The following POLR3A variants were observed in gnomAD, a reference collection of about 807,000 sequenced individuals.
POLR3A encodes DNA-directed RNA polymerase III subunit RPC1.
A neutral mutation model predicts 152.8 loss-of-function variants in POLR3A; 112 were observed. That is an observed-to-expected ratio of 0.73 (90% CI 0.63 to 0.86). POLR3A has a LOEUF of 0.86. Ranked by LOEUF, POLR3A falls within the 40% of genes least tolerant of loss-of-function variation. POLR3A has a pLI of 0.00. For synonymous variants in POLR3A, 615 were observed against 652.1 expected, an observed-to-expected ratio of 0.94 and a Z score of 0.87; for missense variants, 1,385 against 1,743.1, an observed-to-expected ratio of 0.79 and a Z score of 3.66.
intron 8 of POLR3A, chr10:78,019,885 A>G (rs888028864): frequency 6.6e-6 from 1 of 152,666 alleles, no homozygotes; most frequent in Admixed American, 6.5e-5. Context: ...AAAAAAAAAA[A>G]AGTATGGGCT....
intron 13 of POLR3A, 86 bp from the exon 14 acceptor site, chr10:78,009,761 C>T: frequency 6.2e-7 from 1 of 1,611,270 alleles, no homozygotes; most frequent in East Asian, 2.2e-5. Context: ...GGCCTAGGGA[C>T]TGCACTCAAG....
At chr10:78,008,024 G>C (rs953741721) in intron 14 of POLR3A, among the ~76,000 whole-genome samples, 158 bp from the exon 15 acceptor site, 1 of 145,990 alleles carries the variant, frequency 6.8e-6, no homozygotes, top group African/African-American at 2.5e-5. Flanking sequence ...GGAGGGAGGG[G>C]GGGTTAAAGG....
chr10:78,028,067 T>G (rs1253504102), intron 1 of POLR3A, among the ~76,000 whole-genome samples: 4 of 152,216 alleles, frequency 2.6e-5, no homozygotes, highest in Admixed American at 2.6e-4. Context: ...TCCACACAGC[T>G]GCCCAAGCAA....
At position 78,028,094 on chromosome 10, in the gene POLR3A, G is replaced by A. The variant is rs553515559; in HGVS notation, c.44+1270C>T. Among the ~76,000 whole-genome samples, 10 of 152,242 alleles carry A rather than the reference G, an allele frequency of 6.6e-5. No homozygotes were observed. The South Asian group carries it at 1.7e-3, about 25-fold the overall frequency. On this transcript the variant is annotated intron_variant, in intron 1 of 30. Coordinates refer to ENST00000372371, the MANE Select transcript of POLR3A (RefSeq NM_007055.4). ...CCCAAGCAAGGCATTCTGTATATCC[G>A]TCTCAAGGTCTCTCGACCTCTAATT...
At chr10:78,022,090 A>C in intron 6 of POLR3A, 55 bp downstream of exon 6, 1 of 1,614,176 alleles carries the variant, frequency 6.2e-7, no homozygotes, top group Admixed American at 1.7e-5. Context: ...TTTCTTGACC[A>C]GAAGTTTTTG....
intron 29 of POLR3A, 50 bp from the exon 30 acceptor site, chr10:77,980,323 G>T (rs765361841): frequency 6.3e-7 from 1 of 1,598,806 alleles, no homozygotes; most frequent in Non-Finnish European, 8.6e-7. Flanking sequence ...AATGGCAAAA[G>T]CTCGAAACCA....
At chr10:77,984,065 A>G in intron 25 of POLR3A, 53 bp from the exon 26 acceptor site, 2 of 1,382,522 alleles carry the variant, frequency 1.4e-6, no homozygotes, top group Non-Finnish European at 1.0e-6. Flanking sequence ...CTTTCCTAAG[A>G]GCACACGACT....
At chr10:78,000,228 C>G in intron 18 of POLR3A, 110 bp from the exon 19 acceptor site, 1 of 891,624 alleles carries the variant, frequency 1.1e-6, no homozygotes, top group Admixed American at 2.0e-5. Context: ...AAATACCTGG[C>G]CAGTATATTC....
At chr10:78,024,889 A>G in intron 4 of POLR3A, 82 bp downstream of exon 4, 1 of 1,548,754 alleles carries the variant, frequency 6.5e-7, no homozygotes, top group Non-Finnish European at 8.9e-7. Flanking sequence ...CTGACTCCCG[A>G]ACATTATGTA....
chr10:78,008,399 G>C (rs1408639390), intron 14 of POLR3A, among the ~76,000 whole-genome samples: 1 of 152,118 alleles, frequency 6.6e-6, no homozygotes, highest in Non-Finnish European at 1.5e-5. Flanking sequence ...TAAATCTGAG[G>C]AGTATCAGTG....
intron 15 of POLR3A, among the ~76,000 whole-genome samples, chr10:78,005,842 A>G (rs1847405439): frequency 6.6e-6 from 1 of 152,186 alleles, no homozygotes; most frequent in African/African-American, 2.4e-5. Flanking sequence ...GAAAGTCTGT[A>G]TATTCCTTTT....
In POLR3A at chr10:77,984,275, A is replaced by G; in HGVS notation, c.3266T>C (p.Leu1089Pro). The G allele has an allele frequency of 6.2e-7, 1 of 1,612,634 alleles. No individual in the cohort carries two copies. Among genetic ancestry groups the G allele is most frequent in the Non-Finnish European group, 8.5e-7 (1 of 1,178,836 alleles). ...AISTPIITAQLDKDDDADYAR... is the reference protein window; with the variant it reads ...AISTPIITAQPDKDDDADYAR... ...ATAATCCGCGTCGTCATCCTTGTCT[A>G]GCTGTGCTGTGATAATTGGAGTGCT... Residue 1089 changes from leucine (L) to proline (P), a missense_variant, in exon 25 of 31, where the codon CTA becomes CCA. Around this residue, in one of 7 missense-constraint regions of POLR3A, gnomAD observed 332 missense variants for 400.1 expected, o/e 0.83. Coordinates refer to ENST00000372371, the MANE Select transcript of POLR3A (RefSeq NM_007055.4).
rs1847671338 is a variant in POLR3A, at chr10:78,029,474, A to G, written c.-67T>C. ...AGATTAGAGAAACGATGCCCCCAGCACCTCCTGGGGCTGCTTCTGGACTCG... is the reference window on the plus strand; with the variant it reads ...AGATTAGAGAAACGATGCCCCCAGCGCCTCCTGGGGCTGCTTCTGGACTCG... On this transcript the variant is annotated 5_prime_UTR_variant, in exon 1 of 31. Coordinates refer to ENST00000372371, the MANE Select transcript of POLR3A (RefSeq NM_007055.4). The G allele has an allele frequency of 1.0e-5, 16 of 1,528,978 alleles. No homozygotes were observed. The East Asian group carries it at 3.6e-4, about 34-fold the overall frequency. The allele number at this position is 1,528,978 out of a possible 1,614,324, so 94.7% of individuals were successfully genotyped here. A position where few individuals can be genotyped will look rare whatever the true frequency, so the allele number is the denominator to read the frequency against.
At chr10:77,989,044 C>T (rs750611579) in intron 21 of POLR3A, among the ~76,000 whole-genome samples, 10 of 149,384 alleles carry the variant, frequency 6.7e-5, no homozygotes, top group Non-Finnish European at 1.0e-4. Context: ...ACACATTTCC[C>T]GTGGGTTTGC....
chr10:77,984,264 C>G lies in POLR3A; in HGVS notation c.3277G>C (p.Asp1093His). ...PIITAQLDKD[D>H]DADYARLVKG... Reference sequence around the variant, plus strand: ...ACGAGGCGAGCATAATCCGCGTCGTCATCCTTGTCTAGCTGTGCTGTGATA... The same window carrying G: ...ACGAGGCGAGCATAATCCGCGTCGTGATCCTTGTCTAGCTGTGCTGTGATA... The change falls in exon 25 of 31, where the codon GAC (aspartate) becomes CAC (histidine). Residue 1093 changes from aspartate to histidine, a missense_variant. By Grantham distance (81) the Asp-to-His change is moderately conservative (BLOSUM62 -1). Coordinates refer to ENST00000372371, the MANE Select transcript of POLR3A (RefSeq NM_007055.4). 1.2e-6 allele frequency: 2 copies of G among 1,613,372 alleles called. No individual in the cohort carries two copies. Among genetic ancestry groups the G allele is most frequent in the Non-Finnish European group, 1.7e-6 (2 of 1,179,432 alleles).
At position 78,010,895 on chromosome 10, in the gene POLR3A, G is replaced by A. The variant is rs111845044; in HGVS notation, c.1573-355C>T. ...AGTCTTGCTTATAGCCCAGGTTAGA[G>A]TGCAGTGGTGCAAATATGGCTCACT... On this transcript the variant is annotated intron_variant, in intron 11 of 30. Transcript: ENST00000372371. Among the ~76,000 whole-genome samples the A allele has an allele frequency of 2.0e-3, 300 of 152,322 alleles. 3 individuals carry two copies. Among genetic ancestry groups the A allele is most frequent in the African/African-American group, 6.3e-3 (260 of 41,574 alleles).
intron 14 of POLR3A, 62 bp downstream of exon 14, chr10:78,009,475 G>A (rs1847442949): frequency 6.2e-7 from 1 of 1,609,616 alleles, no homozygotes; most frequent in African/African-American, 1.3e-5. Context: ...CAAAGCTGAT[G>A]ACCAGCCACT....
At chr10:78,020,742 C>A (rs1199029905) in intron 8 of POLR3A, among the ~76,000 whole-genome samples, 1 of 151,976 alleles carries the variant, frequency 6.6e-6, no homozygotes, top group Admixed American at 6.6e-5. Context: ...AAGCAGAGAT[C>A]ACGCCACTGC....
In POLR3A at chr10:78,004,663, C is replaced by A. The variant is rs60051748; in HGVS notation, c.2247+53G>T. Reference sequence around the variant, plus strand: ...TCAGCACAACCCCAGAGAGCACCACCGTAGCCACTGTGCACGGCAAGTGGC... The same window carrying A: ...TCAGCACAACCCCAGAGAGCACCACAGTAGCCACTGTGCACGGCAAGTGGC... On this transcript the variant is annotated intron_variant, in intron 16 of 30. Transcript: ENST00000372371. 13 of 1,426,184 alleles carry A rather than the reference C, an allele frequency of 9.1e-6. No homozygotes were observed. The African/African-American group carries it at 1.4e-4, about 15-fold the overall frequency. 88.3% of individuals were successfully genotyped at this position (1,426,184 alleles called of 1,614,324 possible).
Sources: gnomAD v4.1 joint callset for allele counts (sites outside exome capture counted in the v4.1 genomes callset) on GRCh38, gnomAD v4.1.1 for gene constraint, gnomAD v4.1.1 regional missense constraint, MANE v1.5 for transcripts, NCBI Gene and HGNC (gene_info 2026-07-23, HGNC 2026-07-21) for gene names.